SERPINB6: variants seen among roughly 807,000 people sequenced by gnomAD.
The protein encoded by SERPINB6 is serpin family B member 6.
In SERPINB6, 16 loss-of-function variants were observed where a neutral mutation model predicts 26.1. The ratio of observed to expected loss-of-function variants is 0.61; its 90% confidence interval spans 0.42 to 0.93. The LOEUF is 0.93. SERPINB6 is among the 40% of genes least tolerant of loss of function. The pLI is 0.00. For missense variants in SERPINB6, 420 were observed against 478.0 expected, an observed-to-expected ratio of 0.88 and a Z score of 1.13; for synonymous variants, 174 against 176.6, an observed-to-expected ratio of 0.99 and a Z score of 0.11.
chr6:2,953,070 C>G lies in SERPINB6; in HGVS notation c.547G>C (p.Glu183Gln). ...TTGCTGACTTTAAACAGTCTCTCCTCGGTGTTCTCCTTGTCAAACTGTTCA... is the reference window on the plus strand; with the variant it reads ...TTGCTGACTTTAAACAGTCTCTCCTGGGTGTTCTCCTTGTCAAACTGTTCA... ...WDEQFDKENTEERLFKVSKNE... is the reference protein window; with the variant it reads ...WDEQFDKENTQERLFKVSKNE... Residue 183 changes from glutamate to glutamine, a missense_variant, in exon 5 of 7, where the codon GAG (glutamate) becomes CAG (glutamine). By Grantham distance (29) the Glu-to-Gln change is conservative. Transcript: ENST00000380539. 6.2e-7 allele frequency: 1 copy of G among 1,614,230 alleles called. No individual in the cohort carries two copies. The highest frequency in any genetic ancestry group is 8.5e-7 in the Non-Finnish European group (1 of 1,180,042).
intron 3 of SERPINB6, 54 bp downstream of exon 3, chr6:2,955,470 C>T: frequency 6.2e-7 from 1 of 1,611,848 alleles, no homozygotes; most frequent in Non-Finnish European, 8.5e-7. Context: ...GGCCCCAGCC[C>T]CCACTACCTG....
chr6:2,970,780 A>C, intron 1 of SERPINB6: 1 of 1,229,340 alleles, frequency 8.1e-7, no homozygotes, highest in Non-Finnish European at 1.0e-6. Context: ...TTGTAGTTAA[A>C]GTTTCCTCTT....
At chr6:2,952,924 A>G (rs1319842153) in intron 5 of SERPINB6, 120 bp downstream of exon 5, 9 of 1,449,608 alleles carry the variant, frequency 6.2e-6, no homozygotes, top group Non-Finnish European at 8.6e-6. Context: ...AGGCCACCCA[A>G]TGGATGTCAA....
chr6:2,953,231 G>A (rs762447639), intron 4 of SERPINB6, 45 bp from the exon 5 acceptor site: 2 of 1,613,228 alleles, frequency 1.2e-6, no homozygotes, highest in East Asian at 2.2e-5. Context: ...GGCGGCTGCG[G>A]ATCCCCGACA....
Position 2,955,678 on chromosome 6 carries a change from CA to C in SERPINB6, c.166-9del, listed in dbSNP as rs1561678772. ...TTTATTGAAAGAAAGTATCTGAAAT[CA>C]AAAACAGAATGAAAACAAATCATTC... On this transcript the variant is annotated splice_polypyrimidine_tract_variant and intron_variant, in intron 2 of 6. Transcript: ENST00000380539. The C allele has an allele frequency of 6.2e-7, 1 of 1,614,044 alleles. No individual in the cohort carries two copies.
intron 1 of SERPINB6, among the ~76,000 whole-genome samples, chr6:2,965,910 C>T (rs544612485): frequency 6.6e-6 from 1 of 152,344 alleles, no homozygotes; most frequent in South Asian, 2.1e-4. Flanking sequence ...ACAGGGCACA[C>T]ACTCTTTGAT....
At chr6:2,959,494 A>G in intron 1 of SERPINB6, 152 bp from the exon 2 acceptor site, 1 of 754,024 alleles carries the variant, frequency 1.3e-6, no homozygotes, top group African/African-American at 1.7e-5. Context: ...AGGACCCTCC[A>G]CATTATTTTG....
chr6:2,950,525 T>A (rs1581231331), intron 5 of SERPINB6, among the ~76,000 whole-genome samples: 1 of 92,334 alleles, frequency 1.1e-5, no homozygotes, highest in Non-Finnish European at 2.0e-5. Context: ...AGACCGAGAC[T>A]CCATCTCAAA....
chr6:2,954,911 C>T, intron 3 of SERPINB6: 1 of 570,200 alleles, frequency 1.8e-6, no homozygotes, highest in Non-Finnish European at 3.1e-6. Flanking sequence ...AAGTCAAGGT[C>T]AGGTACTGTG....
chr6:2,958,568 C>T (rs1361635980), intron 2 of SERPINB6, among the ~76,000 whole-genome samples: 1 of 87,418 alleles, frequency 1.1e-5, no homozygotes, highest in Non-Finnish European at 3.0e-5. Context: ...ATGTGGAAGG[C>T]CCCAGCGGAG....
chr6:2,948,393 C>T lies in SERPINB6; in HGVS notation c.1036G>A (p.Val346Ile), dbSNP rs61737420. 7.5e-4 allele frequency: 1,216 copies of T among 1,614,132 alleles called. 7 individuals are homozygous for T. The African/African-American group carries it at 0.012, about 16-fold the overall frequency. Reference protein sequence around the residue: ...AIMMMRCARFVPRFCADHPFL... With the variant: ...AIMMMRCARFIPRFCADHPFL... ...GGGTGGTCGGCGCAGAAGCGGGGGA[C>T]GAATCTGGCACACCGCATCATCATG... Residue 346 changes from valine to isoleucine, a missense_variant, in exon 7 of 7, where the codon GTC (valine) becomes ATC (isoleucine). Val to Ile is a conservative substitution (Grantham distance 29). Transcript: ENST00000380539. The surrounding 1 kb of genome is among the most constrained non-coding windows in gnomAD (Gnocchi z 5.0).
In SERPINB6 at chr6:2,967,655, AAAG is replaced by A. The variant is rs1253405834; in HGVS notation, c.-11+3875_-11+3877del. The A allele has an allele frequency of 1.1e-4, 17 of 152,272 alleles. No individual in the cohort carries two copies. The highest frequency in any genetic ancestry group is 3.4e-4 in the African/African-American group (14 of 41,472). The allele number at this position is 152,272 out of a possible 1,614,324, so 9.4% of individuals were successfully genotyped here. On this transcript the variant is annotated intron_variant, in intron 1 of 6. Transcript: ENST00000380539. This position sits in a 1 kb window ranked among gnomAD's most constrained non-coding sequence, Gnocchi z 4.3. ...AAAGGACATGAACAGACACTTTTCA[AAAG>A]AAGACATTCATGCAGCCAACAGCCA... is the stretch of plus-strand genomic sequence containing the variant.
At position 2,967,190 on chromosome 6, in the gene SERPINB6, A is replaced by C. The variant is rs1771719246; in HGVS notation, c.-11+4343T>G. ...ACTCCTCGAGTTGGAGGGATCTGTTAACCTGCCCAGGGCACAACACCCACA... is the reference window on the plus strand; with the variant it reads ...ACTCCTCGAGTTGGAGGGATCTGTTCACCTGCCCAGGGCACAACACCCACA... On this transcript the variant is annotated intron_variant, in intron 1 of 6. Transcript: ENST00000380539. The surrounding 1 kb of genome is among the most constrained non-coding windows in gnomAD (Gnocchi z 4.3). 1.0e-6 allele frequency: 1 copy of C among 985,334 alleles called. No homozygotes were observed. The highest frequency in any genetic ancestry group is 1.7e-5 in the African/African-American group (1 of 57,208). 61.0% of individuals were successfully genotyped at this position (985,334 alleles called of 1,614,324 possible).
At chr6:2,964,517 C>T (rs771894592) in intron 1 of SERPINB6, among the ~76,000 whole-genome samples, 7 of 152,298 alleles carry the variant, frequency 4.6e-5, no homozygotes, top group East Asian at 1.9e-4. Flanking sequence ...AAATACTATA[C>T]ACCAAATGTT....
intron 1 of SERPINB6, chr6:2,968,632 G>A (rs998832846): frequency 6.5e-6 from 8 of 1,221,646 alleles, no homozygotes; most frequent in African/African-American, 4.7e-5. Context: ...CCTATCTCTG[G>A]GGTCCTTTTG....
intron 5 of SERPINB6, among the ~76,000 whole-genome samples, chr6:2,951,050 G>A (rs1769730386): frequency 6.6e-6 from 1 of 152,164 alleles, no homozygotes; most frequent in Non-Finnish European, 1.5e-5. Context: ...TACCATCTCC[G>A]TCACAACGAC....
intron 5 of SERPINB6, among the ~76,000 whole-genome samples, chr6:2,951,774 G>A (rs563748251): frequency 6.6e-6 from 1 of 152,286 alleles, no homozygotes; most frequent in Non-Finnish European, 1.5e-5. Flanking sequence ...AGCATGACGG[G>A]ATTCCACATC....
Position 2,968,548 on chromosome 6 carries a change from T to C in SERPINB6, c.-11+2985A>G, listed in dbSNP as rs7748072. ...TTACACTTTTCATCATGATATTTGA[T>C]TCCATTTTGCCTTCTATACTAATTC... On this transcript the variant is annotated intron_variant, in intron 1 of 6. Transcript: ENST00000380539. 0.082 allele frequency: 96,595 copies of C among 1,184,274 alleles called. 4,094 individuals carry two copies. The highest frequency in any genetic ancestry group is 0.16 in the East Asian group (4,425 of 27,892). The allele number at this position is 1,184,274 out of a possible 1,614,324, so 73.4% of individuals were successfully genotyped here.
At chr6:2,956,082 A>G (rs1770445088) in intron 2 of SERPINB6, 1 of 199,438 alleles carries the variant, frequency 5.0e-6, no homozygotes, top group Non-Finnish European at 1.0e-5. Context: ...CTCAAAAAAA[A>G]AAAAAGATCC....
Sources: allele counts gnomAD v4.1 joint callset (sites outside exome capture counted in the v4.1 genomes callset), GRCh38; gene constraint gnomAD v4.1.1; non-coding constraint Gnocchi (gnomAD v3.1); transcripts MANE v1.5; gene names NCBI Gene and HGNC (gene_info 2026-07-23, HGNC 2026-07-21).